OSBPL10: variants seen among roughly 807,000 people sequenced by gnomAD.
The protein encoded by OSBPL10 is oxysterol binding protein like 10.
A neutral mutation model predicts 81.7 loss-of-function variants in OSBPL10; 49 were observed. The observed-to-expected ratio is 0.60, with a 90% CI of 0.48 to 0.76. The LOEUF (loss-of-function observed/expected upper bound fraction) is 0.76, where lower values mean the gene tolerates loss of function less well. OSBPL10 is among the 30% of genes least tolerant of loss of function. The pLI, the probability that OSBPL10 is intolerant of heterozygous loss-of-function variation, is 0.00. For synonymous variants in OSBPL10, 419 were observed against 383.6 expected, an observed-to-expected ratio of 1.09 and a Z score of -1.08; for missense variants, 923 against 987.8, an observed-to-expected ratio of 0.93 and a Z score of 0.88.
chr3:31,991,817 A>G (rs1699034015), intron 2 of OSBPL10, among the ~76,000 whole-genome samples: 1 of 151,970 alleles, frequency 6.6e-6, no homozygotes, highest in Admixed American at 6.6e-5. Context: ...AACTTTTCAT[A>G]TCCTGAAGAT....
At chr3:31,879,423 C>A (rs1701563797) in intron 2 of OSBPL10, 1 of 493,246 alleles carries the variant, frequency 2.0e-6, no homozygotes, top group Non-Finnish European at 3.6e-6. Flanking sequence ...CTTTGGGAAT[C>A]ACTCACCTTT....
At chr3:31,982,697 C>A (rs1246083804), upstream of OSBPL10, among the ~76,000 whole-genome samples, 1 of 152,012 alleles carries the variant, frequency 6.6e-6, no homozygotes, top group African/African-American at 2.4e-5. Flanking sequence ...AAATTTGAAG[C>A]CATTCAGAGC....
intron 9 of OSBPL10, 97 bp from the exon 10 acceptor site, chr3:31,668,921 G>C: frequency 8.9e-7 from 1 of 1,129,546 alleles, no homozygotes; most frequent in Non-Finnish European, 1.2e-6. Flanking sequence ...TTTTTAATCA[G>C]AAATGGGAAG....
intron 6 of OSBPL10, among the ~76,000 whole-genome samples, chr3:31,723,549 C>T (rs1210210472): frequency 6.6e-6 from 1 of 151,806 alleles, no homozygotes; most frequent in Non-Finnish European, 1.5e-5. Context: ...TACACACACA[C>T]ACACACACAC....
At chr3:31,708,711 C>G (rs1696153607) in intron 6 of OSBPL10, 1 of 984,352 alleles carries the variant, frequency 1.0e-6, no homozygotes, top group Non-Finnish European at 1.2e-6. Flanking sequence ...CCTGATGAAC[C>G]TACTGTCCTT....
At chr3:31,871,269 G>A (rs963811945) in intron 3 of OSBPL10, among the ~76,000 whole-genome samples, 1 of 151,948 alleles carries the variant, frequency 6.6e-6, no homozygotes, top group Non-Finnish European at 1.5e-5. Flanking sequence ...GCGAGACCAT[G>A]AGCCCACCGG....
At chr3:31,679,774 T>A (rs574831462) in intron 8 of OSBPL10, among the ~76,000 whole-genome samples, 2 of 152,250 alleles carry the variant, frequency 1.3e-5, no homozygotes, top group Admixed American at 1.3e-4. Context: ...ATAAACCTCA[T>A]AGCACGAGCC....
intron 4 of OSBPL10, among the ~76,000 whole-genome samples, chr3:31,797,317 A>G (rs1684554754): frequency 6.6e-6 from 1 of 152,150 alleles, no homozygotes. Flanking sequence ...GGCCAGGAGG[A>G]AACTCAAGTT....
rs548153746 is a variant in OSBPL10, at chr3:31,883,367, A to G, written c.282-3537T>C. 6.6e-5 allele frequency among the ~76,000 whole-genome samples: 10 copies of G among 151,380 alleles called. No individual in the cohort carries two copies. In the East Asian group the frequency reaches 9.8e-4, roughly 15 times the overall value. On this transcript the variant is annotated intron_variant, in intron 1 of 11. Coordinates refer to ENST00000396556, the MANE Select transcript of OSBPL10 (RefSeq NM_017784.5). Reference sequence around the variant, plus strand: ...TGATTTTCCTGCCTCAGCCTCCCCAAGTAGCTGGGATTACAGACACCACCA... The same window carrying G: ...TGATTTTCCTGCCTCAGCCTCCCCAGGTAGCTGGGATTACAGACACCACCA...
intron 2 of OSBPL10, chr3:31,990,878 G>A (rs1371407740): frequency 3.2e-6 from 5 of 1,575,834 alleles, no homozygotes; most frequent in Non-Finnish European, 4.3e-6. Flanking sequence ...GATGATTGTG[G>A]CAAAGCCTTT....
At chr3:31,762,339 T>C (rs1321922357) in intron 4 of OSBPL10, among the ~76,000 whole-genome samples, 1 of 152,166 alleles carries the variant, frequency 6.6e-6, no homozygotes, top group Non-Finnish European at 1.5e-5. Context: ...ACACAAATGA[T>C]AGAAACAGGG....
intron 1 of OSBPL10, among the ~76,000 whole-genome samples, chr3:31,945,598 A>C (rs772485728): frequency 2.0e-5 from 3 of 152,202 alleles, no homozygotes; most frequent in Non-Finnish European, 4.4e-5. Flanking sequence ...CATGGGGTCC[A>C]TTCACTACAC....
intron 1 of OSBPL10, among the ~76,000 whole-genome samples, chr3:31,980,697 G>C (rs1435169557): frequency 1.3e-5 from 2 of 152,200 alleles, no homozygotes; most frequent in African/African-American, 2.4e-5. Context: ...TCCCGGGGTG[G>C]AGCCACGGCG....
intron 4 of OSBPL10, among the ~76,000 whole-genome samples, chr3:31,803,690 A>G (rs1166298059): frequency 6.6e-6 from 1 of 152,210 alleles, no homozygotes; most frequent in Non-Finnish European, 1.5e-5. Flanking sequence ...TTTCTGGTCC[A>G]AGATCCAAAC....
chr3:31,875,370 AC>A (rs1442532309), intron 3 of OSBPL10, among the ~76,000 whole-genome samples: 1 of 152,144 alleles, frequency 6.6e-6, no homozygotes, highest in Non-Finnish European at 1.5e-5. Context: ...TATATAAAGT[AC>A]CAATTAAGTG....
intron 2 of OSBPL10, among the ~76,000 whole-genome samples, chr3:31,993,332 C>G (rs574053849): frequency 1.3e-5 from 2 of 152,106 alleles, no homozygotes; most frequent in South Asian, 4.1e-4. Context: ...GCCTCAGCCT[C>G]CCGGTAGCTG....
intron 3 of OSBPL10, among the ~76,000 whole-genome samples, chr3:31,855,998 ATT>A (rs1480435708): frequency 1.3e-5 from 2 of 151,398 alleles, no homozygotes; most frequent in Non-Finnish European, 2.9e-5. Flanking sequence ...AAACTGTACC[ATT>A]TTGTTTTTTC....
intron 2 of OSBPL10, among the ~76,000 whole-genome samples, chr3:32,029,388 G>A (rs891300733): frequency 6.6e-6 from 1 of 152,082 alleles, no homozygotes; most frequent in Non-Finnish European, 1.5e-5. Context: ...GTATACATGT[G>A]CCATGTTGGT....
chr3:31,681,719 C>T (rs1021407750), intron 8 of OSBPL10, among the ~76,000 whole-genome samples: 9 of 152,190 alleles, frequency 5.9e-5, no homozygotes, highest in Admixed American at 2.0e-4. Context: ...TCAGTCTCCT[C>T]GGCTGGCTGT....
Sources: allele counts gnomAD v4.1 joint callset (sites outside exome capture counted in the v4.1 genomes callset), GRCh38; gene constraint gnomAD v4.1.1; transcripts MANE v1.5; gene names NCBI Gene and HGNC (gene_info 2026-07-23, HGNC 2026-07-21).